The following TSHZ3 variants were observed in gnomAD, a reference collection of about 807,000 sequenced individuals.
TSHZ3 encodes the protein teashirt zinc finger homeobox 3.
A neutral mutation model predicts 64.5 loss-of-function variants in TSHZ3; 10 were observed. The ratio of observed to expected loss-of-function variants is 0.16; its 90% CI spans 0.10 to 0.26. The LOEUF (loss-of-function observed/expected upper bound fraction) is 0.26. Among genes scored for constraint, TSHZ3 ranks in the 10% least tolerant of loss-of-function variants. The pLI is 1.00. For synonymous variants in TSHZ3, 608 were observed against 593.1 expected (o/e 1.03, Z -0.36); for missense variants, 1,242 against 1,421.7 (o/e 0.87, Z 2.03).
At chr19:31,315,519 C>A (rs1464116206) in intron 1 of TSHZ3, among the ~76,000 whole-genome samples, 3 of 152,246 alleles carry the variant, frequency 2.0e-5, no homozygotes, top group Non-Finnish European at 2.9e-5. Flanking sequence ...CCCTCCTGCC[C>A]TCTGCCAGGG....
intron 5 of TSHZ3, among the ~76,000 whole-genome samples, chr19:31,162,942 G>A (rs1378904255): frequency 6.6e-6 from 1 of 152,090 alleles, no homozygotes; most frequent in African/African-American, 2.4e-5. Context: ...CAGCTTTTAT[G>A]TGCCCCACTG....
intron 6 of TSHZ3, among the ~76,000 whole-genome samples, chr19:31,154,699 T>C (rs1974281932): frequency 6.6e-6 from 1 of 152,208 alleles, no homozygotes; most frequent in African/African-American, 2.4e-5. Context: ...TCACCGCAAA[T>C]GGCTTGAACT....
chr19:31,310,617 G>A (rs944204812), intron 1 of TSHZ3, among the ~76,000 whole-genome samples: 4 of 152,114 alleles, frequency 2.6e-5, no homozygotes, highest in South Asian at 2.1e-4. Context: ...GGCAGAGTGC[G>A]GGCTCTGTGT....
chr19:31,183,887 G>T (rs541807462), intron 5 of TSHZ3, among the ~76,000 whole-genome samples: 13 of 152,112 alleles, frequency 8.5e-5, no homozygotes, highest in African/African-American at 2.9e-4. Flanking sequence ...TCATTTTTTT[G>T]AGCACTAAAG....
At chr19:31,246,461 T>C (rs999477530) in intron 1 of TSHZ3, among the ~76,000 whole-genome samples, 1 of 152,126 alleles carries the variant, frequency 6.6e-6, no homozygotes, top group African/African-American at 2.4e-5. Context: ...AACAAATAAA[T>C]ATACTATAGT....
intron 4 of TSHZ3, among the ~76,000 whole-genome samples, chr19:31,210,034 A>G (rs779378094): frequency 6.6e-6 from 1 of 152,142 alleles, no homozygotes; most frequent in Non-Finnish European, 1.5e-5. Context: ...TTTTAAGGAC[A>G]CTTCATTTGA....
At chr19:31,154,240 T>C (rs576095233) in intron 6 of TSHZ3, among the ~76,000 whole-genome samples, 1 of 152,276 alleles carries the variant, frequency 6.6e-6, no homozygotes, top group African/African-American at 2.4e-5. Context: ...ATGACAGAAA[T>C]GTTTATTGTT....
At chr19:31,202,323 T>C (rs1337572862) in intron 5 of TSHZ3, among the ~76,000 whole-genome samples, 3 of 152,160 alleles carry the variant, frequency 2.0e-5, no homozygotes, top group Admixed American at 2.0e-4. Flanking sequence ...AGGAAATACA[T>C]GTAGATGTCT....
rs535372182 is a variant in TSHZ3 at position 31,216,070 on chromosome 19, C to T, written n.687-10992G>A. Among the ~76,000 whole-genome samples, 5 of 132,472 alleles carry T rather than the reference C, an allele frequency of 3.8e-5. No homozygotes were observed. The South Asian group carries it at 1.3e-3, about 35-fold the overall frequency. The allele number at this position is 132,472 out of a possible 152,430, so 86.9% of individuals were successfully genotyped here. ...ATACAATGCAATTACTTACAACTCA[C>T]GTTCTTTATGATGGTGTATGTATAT... On this transcript the variant is annotated intron_variant and non_coding_transcript_variant, in intron 4 of 6. Transcript: ENST00000651361.
chr19:31,278,982 C>A lies in TSHZ3; in HGVS notation c.811G>T (p.Ala271Ser), dbSNP rs535604105. ...TACATGCACTTCAGCACCTTCTGGG[C>A]GTCTTCCTTCCCTTCCATTTCCAGC... ...SLLEMEGKED[A>S]QKVLKCMYCG... The change falls in exon 2 of 2, where the codon GCC becomes TCC. Residue 271 changes from alanine to serine, a missense_variant. Ala to Ser is a moderately conservative substitution (Grantham distance 99). Coordinates refer to ENST00000240587, the MANE Select transcript of TSHZ3 (RefSeq NM_020856.4). This position sits in a 1 kb window ranked among gnomAD's most constrained non-coding sequence, Gnocchi z 4.7. 2 of 1,614,062 alleles carry A rather than the reference C, an allele frequency of 1.2e-6. No individual in the cohort carries two copies. Among genetic ancestry groups the A allele is most frequent in the Non-Finnish European group, 1.7e-6 (2 of 1,179,934 alleles).
At chr19:31,227,510 A>T (rs1975483436) in intron 4 of TSHZ3, among the ~76,000 whole-genome samples, 1 of 152,118 alleles carries the variant, frequency 6.6e-6, no homozygotes, top group African/African-American at 2.4e-5. Flanking sequence ...ACTTAGGGAG[A>T]GCCTGCTAGA....
intron 5 of TSHZ3, among the ~76,000 whole-genome samples, chr19:31,165,609 C>A (rs1268949513): frequency 6.6e-6 from 1 of 152,048 alleles, no homozygotes; most frequent in Non-Finnish European, 1.5e-5. Context: ...GCTCAGCCCT[C>A]GGACAAAAAT....
At chr19:31,322,763 A>C (rs1916809533) in intron 1 of TSHZ3, among the ~76,000 whole-genome samples, 1 of 152,234 alleles carries the variant, frequency 6.6e-6, no homozygotes, top group African/African-American at 2.4e-5. Flanking sequence ...GGAATAAATT[A>C]GTGATGGACA....
At chr19:31,212,935 A>G (rs1975277953) in intron 4 of TSHZ3, among the ~76,000 whole-genome samples, 1 of 152,184 alleles carries the variant, frequency 6.6e-6, no homozygotes, top group South Asian at 2.1e-4. Context: ...ACAGAAGCTA[A>G]CAAGCCATGA....
downstream of TSHZ3, among the ~76,000 whole-genome samples, chr19:31,274,394 C>T (rs1397945285): frequency 1.3e-5 from 2 of 152,164 alleles, no homozygotes; most frequent in African/African-American, 4.8e-5. Flanking sequence ...TCCCACAACA[C>T]CCCTGCCTGC....
chr19:31,232,684 T>C (rs755265231), intron 3 of TSHZ3, among the ~76,000 whole-genome samples: 5 of 152,172 alleles, frequency 3.3e-5, no homozygotes, highest in Non-Finnish European at 5.9e-5. Context: ...CCAGAAATCA[T>C]CCTCTTGCCT....
At chr19:31,172,008 C>T (rs975259759) in intron 5 of TSHZ3, among the ~76,000 whole-genome samples, 1 of 152,050 alleles carries the variant, frequency 6.6e-6, no homozygotes, top group Admixed American at 6.6e-5. Context: ...ATGGAGGGTC[C>T]CGTGGTTGGG....
At chr19:31,224,405 A>T (rs1761731716) in intron 4 of TSHZ3, among the ~76,000 whole-genome samples, 1 of 152,202 alleles carries the variant, frequency 6.6e-6, no homozygotes, top group African/African-American at 2.4e-5. Context: ...CTGTGCTAAG[A>T]TATCTGTAAA....
intron 3 of TSHZ3, among the ~76,000 whole-genome samples, chr19:31,229,067 G>T (rs1252704576): frequency 1.3e-5 from 2 of 152,068 alleles, no homozygotes; most frequent in Admixed American, 1.3e-4. Context: ...ATATGAGAAG[G>T]GTAAAATTAG....
Sources: allele counts gnomAD v4.1 joint callset (sites outside exome capture counted in the v4.1 genomes callset), GRCh38; gene constraint gnomAD v4.1.1; non-coding constraint Gnocchi (gnomAD v3.1); transcripts MANE v1.5; gene names NCBI Gene and HGNC (gene_info 2026-07-23, HGNC 2026-07-21).